APBA1: variants seen among roughly 807,000 people sequenced by gnomAD.
APBA1 encodes the protein amyloid-beta A4 precursor protein-binding family A member 1.
APBA1 carries 55 observed loss-of-function variants against 86.6 expected under a neutral mutation model. The ratio of observed to expected loss-of-function variants is 0.64; its 90% CI spans 0.51 to 0.80. The LOEUF (loss-of-function observed/expected upper bound fraction) is 0.80. Among genes scored for constraint, APBA1 ranks in the 30% least tolerant of loss-of-function variants. APBA1 has a pLI of 0.00. For missense variants in APBA1, 1,090 were observed against 1,183.0 expected (o/e 0.92, Z 1.15); for synonymous variants, 511 against 493.9 (o/e 1.03, Z -0.46).
intron 1 of APBA1, among the ~76,000 whole-genome samples, chr9:69,594,001 G>A (rs1588383419): frequency 6.6e-6 from 1 of 152,146 alleles, no homozygotes; most frequent in Non-Finnish European, 1.5e-5. Flanking sequence ...AGAGGCGTTG[G>A]ATCTTCTGGC....
chr9:69,597,556 C>A (rs1822253670), intron 1 of APBA1, among the ~76,000 whole-genome samples: 1 of 152,142 alleles, frequency 6.6e-6, no homozygotes, highest in African/African-American at 2.4e-5. Context: ...GCTGCCATTG[C>A]TTTTGGTGTT....
intron 1 of APBA1, among the ~76,000 whole-genome samples, chr9:69,663,515 A>G (rs1019299109): frequency 7.2e-5 from 11 of 152,246 alleles, no homozygotes; most frequent in Admixed American, 4.6e-4. Context: ...TACAAGAAAA[A>G]GGAATTTATA....
At chr9:69,503,511 T>C (rs1835909101) in intron 2 of APBA1, among the ~76,000 whole-genome samples, 1 of 152,128 alleles carries the variant, frequency 6.6e-6, no homozygotes, top group Non-Finnish European at 1.5e-5. Context: ...TTACAATTTC[T>C]GGTTAATCAA....
intron 1 of APBA1, among the ~76,000 whole-genome samples, chr9:69,640,110 A>T (rs1823256820): frequency 6.6e-6 from 1 of 152,190 alleles, no homozygotes; most frequent in Admixed American, 6.5e-5. Context: ...ATAACAGAAA[A>T]GATTAATAAA....
intron 1 of APBA1, among the ~76,000 whole-genome samples, chr9:69,641,067 C>T (rs1823278755): frequency 6.6e-6 from 1 of 151,452 alleles, no homozygotes; most frequent in African/African-American, 2.4e-5. Flanking sequence ...TAGAAAATAC[C>T]GAGGAATATA....
chr9:69,464,837 G>T (rs1021524714), intron 5 of APBA1: 2 of 152,256 alleles, frequency 1.3e-5, no homozygotes, highest in East Asian at 1.9e-4. Flanking sequence ...TGCCATAAGG[G>T]GACTGGAAAG....
At chr9:69,581,088 C>T (rs1821905846) in intron 1 of APBA1, among the ~76,000 whole-genome samples, 1 of 152,088 alleles carries the variant, frequency 6.6e-6, no homozygotes, top group Non-Finnish European at 1.5e-5. Context: ...CCACAAACGG[C>T]GTCATCTCCA....
chr9:69,466,186 G>T (rs1009617), intron 5 of APBA1, among the ~76,000 whole-genome samples: 79,315 of 151,830 alleles, frequency 0.52, 22,004 homozygotes, highest in African/African-American at 0.71. Context: ...ACACACAGAG[G>T]CCCAGCAGCA....
chr9:69,450,056 GTTTTT>G lies in APBA1; in HGVS notation c.1969-265_1969-261del, dbSNP rs58417611. On this transcript the variant is annotated intron_variant, in intron 9 of 12. Transcript: ENST00000265381. ...CAGCACACAACCATGAGGACCACCAGTTTTTTTTTTTTTTTTTTTTTTTTTTAATT... is the reference window on the plus strand; with the variant it reads ...CAGCACACAACCATGAGGACCACCAGTTTTTTTTTTTTTTTTTTTTTAATT... Among the ~76,000 whole-genome samples the G allele has an allele frequency of 2.3e-3, 219 of 94,152 alleles. 1 individual carries two copies. The highest frequency in any genetic ancestry group is 8.7e-3 in the African/African-American group (200 of 22,862). 61.8% of individuals were successfully genotyped at this position (94,152 alleles called of 152,430 possible).
chr9:69,440,242 C>T (rs7033137), intron 11 of APBA1, among the ~76,000 whole-genome samples: 10 of 151,992 alleles, frequency 6.6e-5, no homozygotes, highest in South Asian at 6.2e-4. Flanking sequence ...GGACACACTT[C>T]AGGAGGCAGT....
At chr9:69,637,024 A>G (rs191185318) in intron 1 of APBA1, among the ~76,000 whole-genome samples, 1 of 152,228 alleles carries the variant, frequency 6.6e-6, no homozygotes, top group East Asian at 1.9e-4. Context: ...CTATTCAGCC[A>G]TATAAAAGAA....
intron 1 of APBA1, among the ~76,000 whole-genome samples, chr9:69,611,285 G>GAAAAAAAAAAAA (rs56357426): frequency 3.9e-3 from 431 of 109,926 alleles, no homozygotes; most frequent in Middle Eastern, 0.012. Context: ...ACCAGAAAAG[G>GAAAAAAAAAAAA]AAAAAAAAAA....
intron 1 of APBA1, among the ~76,000 whole-genome samples, chr9:69,529,830 A>T (rs1410816563): frequency 6.6e-6 from 1 of 152,206 alleles, no homozygotes; most frequent in Non-Finnish European, 1.5e-5. Flanking sequence ...TCCACAAGGA[A>T]CTCAAACAAC....
intron 1 of APBA1, among the ~76,000 whole-genome samples, chr9:69,551,849 C>T (rs1055647544): frequency 3.3e-5 from 5 of 152,308 alleles, no homozygotes; most frequent in Non-Finnish European, 2.9e-5. Context: ...TTCTAATCTT[C>T]GCTGTACAGA....
At chr9:69,604,017 G>A (rs915653983) in intron 1 of APBA1, among the ~76,000 whole-genome samples, 17 of 152,168 alleles carry the variant, frequency 1.1e-4, no homozygotes, top group Middle Eastern at 3.2e-3. Context: ...AATATTCCCC[G>A]GGTAAGCTCA....
intron 1 of APBA1, among the ~76,000 whole-genome samples, chr9:69,528,270 A>C (rs996476066): frequency 1.8e-4 from 27 of 152,120 alleles, no homozygotes; most frequent in Non-Finnish European, 5.9e-5. Context: ...TAATTCATCC[A>C]CTTGGATTAA....
chr9:69,568,245 T>TA (rs1463581020), intron 1 of APBA1, among the ~76,000 whole-genome samples: 1 of 152,186 alleles, frequency 6.6e-6, no homozygotes, highest in Non-Finnish European at 1.5e-5. Context: ...AGTTGGCCTG[T>TA]GATCACACTT....
In APBA1 at chr9:69,431,341, G is replaced by C; in HGVS notation, c.2500C>G (p.Pro834Ala). The change falls in exon 13 of 13, where the codon CCT becomes GCT. Residue 834 changes from proline to alanine, a missense_variant. Physicochemically the swap from Pro to Ala is conservative, Grantham distance 27. Transcript: ENST00000265381. ...MYRLLTAQEQ[P>A]VYI ...TGTGGCCGCGGTCAGATGTAAACAG[G>C]CTGCTCCTGGGCCGTCAGCAGCCTG... 1 of 1,611,912 alleles carries C rather than the reference G, an allele frequency of 6.2e-7. No homozygotes were observed. Among genetic ancestry groups the C allele is most frequent in the Non-Finnish European group, 8.5e-7 (1 of 1,179,078 alleles).
intron 1 of APBA1, among the ~76,000 whole-genome samples, chr9:69,524,713 G>T (rs1038442397): frequency 6.6e-6 from 1 of 151,868 alleles, no homozygotes; most frequent in Non-Finnish European, 1.5e-5. Flanking sequence ...ATGGAGAAGG[G>T]ACTCCCTAAC....
Sources: allele counts gnomAD v4.1 joint callset (sites outside exome capture counted in the v4.1 genomes callset), GRCh38; gene constraint gnomAD v4.1.1; transcripts MANE v1.5; gene names NCBI Gene and HGNC (gene_info 2026-07-23, HGNC 2026-07-21).